Variants in KCND2 observed in about 807,000 individuals in gnomAD.
KCND2 encodes potassium voltage-gated channel subfamily D member 2, also known as A-type voltage-gated potassium channel KCND2.
KCND2 carries 16 observed loss-of-function variants against 54.4 expected under a neutral mutation model. The ratio of observed to expected loss-of-function variants is 0.29; its 90% CI spans 0.20 to 0.45. The LOEUF is 0.45. Ranked by LOEUF, KCND2 falls within the 20% of genes least tolerant of loss-of-function variation. The probability of loss-of-function intolerance (pLI) is 1.00; values close to 1 mark genes in which losing one functional copy is unlikely to be tolerated. For synonymous variants in KCND2, 317 were observed against 310.7 expected (o/e 1.02, Z -0.21); for missense variants, 486 against 824.2 (o/e 0.59, Z 5.02).
intron 1 of KCND2, among the ~76,000 whole-genome samples, chr7:120,554,058 T>G (rs1469724799): frequency 6.6e-6 from 1 of 152,226 alleles, no homozygotes; most frequent in African/African-American, 2.4e-5. Context: ...AAGTGTTTTG[T>G]CATTACTCCC....
chr7:120,417,160 G>A (rs1242149077), intron 1 of KCND2, among the ~76,000 whole-genome samples: 1 of 152,188 alleles, frequency 6.6e-6, no homozygotes, highest in Admixed American at 6.6e-5. Context: ...AAAGCTTACA[G>A]ATCAGAAAAG....
intron 1 of KCND2, among the ~76,000 whole-genome samples, chr7:120,673,611 C>T (rs1184429187): frequency 6.6e-6 from 1 of 152,066 alleles, no homozygotes; most frequent in African/African-American, 2.4e-5. Context: ...TGCTGGTTTC[C>T]CATCTTACTA....
At chr7:120,491,944 A>G (rs1200086859) in intron 1 of KCND2, among the ~76,000 whole-genome samples, 1 of 152,108 alleles carries the variant, frequency 6.6e-6, no homozygotes, top group East Asian at 1.9e-4. Context: ...TTAACCATTT[A>G]ATTTAAATCT....
chr7:120,531,019 T>C (rs1466993235), intron 1 of KCND2, among the ~76,000 whole-genome samples: 2 of 152,190 alleles, frequency 1.3e-5, no homozygotes, highest in East Asian at 3.9e-4. Context: ...CCATTTCTCC[T>C]CTTACTGCCA....
intron 1 of KCND2, among the ~76,000 whole-genome samples, chr7:120,651,869 A>T (rs186252065): frequency 1.7e-3 from 253 of 152,278 alleles, no homozygotes; most frequent in Non-Finnish European, 2.8e-3. Flanking sequence ...TGAAAGGTAA[A>T]CATCTGATAT....
intron 1 of KCND2, among the ~76,000 whole-genome samples, chr7:120,338,177 A>G (rs759960512): frequency 6.6e-6 from 1 of 152,154 alleles, no homozygotes; most frequent in Non-Finnish European, 1.5e-5. Context: ...TTTTAAATTC[A>G]TTTGTGTCTT....
intron 1 of KCND2, among the ~76,000 whole-genome samples, chr7:120,405,227 C>T (rs1339626094): frequency 2.0e-5 from 3 of 152,034 alleles, no homozygotes; most frequent in African/African-American, 7.2e-5. Context: ...AAATTAAGTC[C>T]AGTCCATCAT....
At chr7:120,365,945 A>G (rs1800672008) in intron 1 of KCND2, among the ~76,000 whole-genome samples, 2 of 152,184 alleles carry the variant, frequency 1.3e-5, no homozygotes, top group African/African-American at 2.4e-5. Context: ...TAAAAATATT[A>G]TTACAAACTT....
At chr7:120,611,191 T>C (rs1298299735) in intron 1 of KCND2, among the ~76,000 whole-genome samples, 1 of 152,230 alleles carries the variant, frequency 6.6e-6, no homozygotes, top group African/African-American at 2.4e-5. Context: ...CTTTATTTAA[T>C]TAACTCAAAA....
chr7:120,498,690 G>T (rs112467302), intron 1 of KCND2, among the ~76,000 whole-genome samples: 1 of 149,160 alleles, frequency 6.7e-6, no homozygotes, highest in South Asian at 2.1e-4. Context: ...CATGAGAATC[G>T]CTTGAACCCA....
intron 1 of KCND2, among the ~76,000 whole-genome samples, chr7:120,638,886 G>A (rs1793338413): frequency 6.6e-6 from 1 of 152,112 alleles, no homozygotes. Flanking sequence ...GGACTTGTGG[G>A]ATATATGTGG....
At chr7:120,555,947 A>G (rs1792157911) in intron 1 of KCND2, among the ~76,000 whole-genome samples, 1 of 152,250 alleles carries the variant, frequency 6.6e-6, no homozygotes. Context: ...ATATTTAAAA[A>G]TTATAATTTT....
Position 120,747,770 on chromosome 7 carries a change from C to G in KCND2, c.1805C>G (p.Thr602Arg), listed in dbSNP as rs1490599002. 1.2e-6 allele frequency: 2 copies of G among 1,612,004 alleles called. No individual in the cohort carries two copies. Among genetic ancestry groups the G allele is most frequent in the Non-Finnish European group, 1.7e-6 (2 of 1,178,570 alleles). The change falls in exon 6 of 6, where the codon ACA (threonine) becomes AGA (arginine). Residue 602 changes from threonine (T) to arginine (R), a missense_variant. Thr to Arg is a moderately conservative substitution (Grantham distance 71). Around this residue, in one of 7 missense-constraint regions of KCND2, gnomAD observed 202 missense variants for 252.7 expected, o/e 0.80. Coordinates refer to ENST00000331113, the MANE Select transcript of KCND2 (RefSeq NM_012281.3). ...ACTACAGCAATAATAAGCATCCCAA[C>G]ACCTCCAGTAACCACACCAGAAGGA... ...YVTTAIISIP[T>R]PPVTTPEGDD... is the part of the protein sequence containing the mutation.
chr7:120,380,744 G>T (rs185940241), intron 1 of KCND2, among the ~76,000 whole-genome samples: 1 of 151,728 alleles, frequency 6.6e-6, no homozygotes, highest in African/African-American at 2.4e-5. Flanking sequence ...TGACCATATC[G>T]TAAAAAAAAG....
intron 1 of KCND2, among the ~76,000 whole-genome samples, chr7:120,401,869 A>G (rs2116082402): frequency 6.6e-6 from 1 of 152,126 alleles, no homozygotes; most frequent in East Asian, 1.9e-4. Context: ...CTTATATCCT[A>G]AAGCACATTG....
At chr7:120,648,560 A>T (rs923013216) in intron 1 of KCND2, among the ~76,000 whole-genome samples, 3 of 152,204 alleles carry the variant, frequency 2.0e-5, no homozygotes, top group Non-Finnish European at 4.4e-5. Flanking sequence ...AAAACAAAAG[A>T]GGTGAGCAGG....
At chr7:120,286,047 T>G (rs1002437669) in intron 1 of KCND2, among the ~76,000 whole-genome samples, 2 of 151,896 alleles carry the variant, frequency 1.3e-5, no homozygotes. Context: ...GGATTTTTTT[T>G]CAGTCAAGTA....
chr7:120,567,492 T>G (rs958630593), intron 1 of KCND2, among the ~76,000 whole-genome samples: 1 of 152,158 alleles, frequency 6.6e-6, no homozygotes, highest in Non-Finnish European at 1.5e-5. Flanking sequence ...AAACTTGAGC[T>G]GCAGATCTCT....
intron 1 of KCND2, among the ~76,000 whole-genome samples, chr7:120,410,923 C>T (rs971286015): frequency 6.6e-6 from 1 of 151,982 alleles, no homozygotes; most frequent in African/African-American, 2.4e-5. Flanking sequence ...ATATGTGCCA[C>T]ATTTTCTTAA....
Sources: gnomAD v4.1 joint callset for allele counts (sites outside exome capture counted in the v4.1 genomes callset) on GRCh38, gnomAD v4.1.1 for gene constraint, gnomAD v4.1.1 regional missense constraint, MANE v1.5 for transcripts, NCBI Gene and HGNC (gene_info 2026-07-23, HGNC 2026-07-21) for gene names.